Variants in PADI4 observed in about 807,000 individuals in gnomAD.
The protein encoded by PADI4 is peptidyl arginine deiminase 4, also known as protein-arginine deiminase type-4.
A neutral mutation model predicts 75.0 loss-of-function variants in PADI4; 62 were observed. The observed-to-expected ratio is 0.83, with a 90% CI of 0.67 to 1.02. PADI4 has a LOEUF of 1.02. PADI4 is among the 50% of genes least tolerant of loss of function. PADI4 has a pLI of 0.00. For synonymous variants in PADI4, 361 were observed against 348.1 expected (o/e 1.04, Z -0.41); for missense variants, 845 against 850.5 (o/e 0.99, Z 0.08).
At chr1:17,322,992 T>C (rs11203356) in intron 1 of PADI4, among the ~76,000 whole-genome samples, 84,682 of 151,888 alleles carry the variant, frequency 0.56, 23,783 homozygotes, top group East Asian at 0.59. Context: ...ATGGTTTAGC[T>C]GGGTTCTCTA....
intron 2 of PADI4, among the ~76,000 whole-genome samples, chr1:17,333,561 C>T (rs569535341): frequency 2.0e-5 from 3 of 151,746 alleles, no homozygotes; most frequent in Non-Finnish European, 4.4e-5. Context: ...CAGGTCTTTC[C>T]TTGATCCCTT....
At chr1:17,332,395 C>A (rs528181285) in intron 2 of PADI4, among the ~76,000 whole-genome samples, 1 of 152,072 alleles carries the variant, frequency 6.6e-6, no homozygotes, top group Non-Finnish European at 1.5e-5. Flanking sequence ...TACAGGCACT[C>A]GCCACCATGC....
chr1:17,337,031 C>G (rs1360689861), intron 4 of PADI4, among the ~76,000 whole-genome samples: 4 of 152,208 alleles, frequency 2.6e-5, no homozygotes, highest in Admixed American at 2.6e-4. Context: ...CCACACTTTG[C>G]TGAATGAGTA....
At chr1:17,353,285 C>A (rs1280883756) in intron 10 of PADI4, among the ~76,000 whole-genome samples, 1 of 151,994 alleles carries the variant, frequency 6.6e-6, no homozygotes, top group Non-Finnish European at 1.5e-5. Flanking sequence ...ATAGTGAGAC[C>A]CCATCTCTAC....
intron 1 of PADI4, among the ~76,000 whole-genome samples, chr1:17,322,491 C>CA (rs55792729): frequency 0.058 from 8,670 of 149,290 alleles, 441 homozygotes; most frequent in Admixed American, 0.15. Context: ...TCCATCCCCC[C>CA]CCAAAAAAAA....
At position 17,359,313 on chromosome 1, in the gene PADI4, C is replaced by T. The variant is rs757040018; in HGVS notation, c.1663C>T (p.Arg555Trp). 2.1e-5 allele frequency: 34 copies of T among 1,609,804 alleles called. No homozygotes were observed. The highest frequency in any genetic ancestry group is 1.1e-4 in the South Asian group (10 of 91,008). ...CIDWNRELLK[R>W]ELGLAESDII... ...CGACTGGAACCGCGAGCTGCTGAAGCGGGAGCTGGGCCTGGCCGAGAGTGA... is the reference window on the plus strand; with the variant it reads ...CGACTGGAACCGCGAGCTGCTGAAGTGGGAGCTGGGCCTGGCCGAGAGTGA... Residue 555 changes from arginine to tryptophan, a missense_variant, in exon 15 of 16, where the codon CGG (arginine) becomes TGG (tryptophan). Coordinates refer to ENST00000375448, the MANE Select transcript of PADI4 (RefSeq NM_012387.3).
chr1:17,358,769 G>A, intron 13 of PADI4, 69 bp from the exon 14 acceptor site: 1 of 976,716 alleles, frequency 1.0e-6, no homozygotes, highest in East Asian at 2.6e-5. Flanking sequence ...TCCCCCCCCG[G>A]CACTGGCTGG....
At position 17,356,011 on chromosome 1, in the gene PADI4, C is replaced by T; in HGVS notation, c.1339C>T (p.Leu447=). The stretch of plus-strand genomic sequence containing the variant: ...TGACAGCCGGCAGATGCACCAGGCC[C>T]TGCAGGACTTCCTCAGTGCCCAGCA... ...SNDSRQMHQA[L]QDFLSAQQVQ... The change falls in exon 12 of 16, where the codon CTG becomes TTG. Residue 447 remains leucine (L), a synonymous_variant. Coordinates refer to ENST00000375448, the MANE Select transcript of PADI4 (RefSeq NM_012387.3). This position sits in a 1 kb window ranked among gnomAD's most constrained non-coding sequence, Gnocchi z 4.1. 1 of 1,614,188 alleles carries T rather than the reference C, an allele frequency of 6.2e-7. No individual in the cohort carries two copies. The highest frequency in any genetic ancestry group is 8.5e-7 in the Non-Finnish European group (1 of 1,180,024).
rs758856641 is a variant in PADI4, at chr1:17,347,953, A to G, written c.1060A>G (p.Ile354Val). 1 of 1,581,150 alleles carries G rather than the reference A, an allele frequency of 6.3e-7. No homozygotes were observed. Among genetic ancestry groups the G allele is most frequent in the South Asian group, 1.1e-5 (1 of 87,032 alleles). The change falls in exon 10 of 16, where the codon ATC (isoleucine) becomes GTC (valine). Residue 354 changes from isoleucine (I) to valine (V), a missense_variant. Coordinates refer to ENST00000375448, the MANE Select transcript of PADI4 (RefSeq NM_012387.3). ...DDQWMQDEME[I>V]GYIQAPHKTL... is the part of the protein sequence containing the mutation. ...CTCACTCCCACAGGATGAAATGGAG[A>G]TCGGCTACATCCAAGCCCCACACAA...
chr1:17,361,008 G>A (rs1444257766), intron 15 of PADI4, among the ~76,000 whole-genome samples: 3 of 152,120 alleles, frequency 2.0e-5, no homozygotes, highest in South Asian at 2.1e-4. Context: ...ACCCGAGACC[G>A]AGGCAGAGAC....
chr1:17,327,572 C>T (rs1237615926), intron 1 of PADI4, among the ~76,000 whole-genome samples: 1 of 149,758 alleles, frequency 6.7e-6, no homozygotes, highest in Admixed American at 6.6e-5. Context: ...GATGGAGTCT[C>T]GCTTTGTCAC....
rs144801381 is a variant in PADI4 at position 17,363,896 on chromosome 1, T to C, written c.*141T>C. On this transcript the variant is annotated 3_prime_UTR_variant, in exon 16 of 16. Transcript: ENST00000375448. ...AGCAGTGGCTTGCTTTCTTCTCCTGTGATGTCCCAGTTTCCCACTCTGAAG... is the reference window on the plus strand; with the variant it reads ...AGCAGTGGCTTGCTTTCTTCTCCTGCGATGTCCCAGTTTCCCACTCTGAAG... The C allele has an allele frequency of 4.3e-4, 265 of 609,300 alleles. No homozygotes were observed. In the African/African-American group the frequency reaches 4.4e-3, roughly 10 times the overall value. 37.7% of individuals were successfully genotyped at this position (609,300 alleles called of 1,614,324 possible).
At chr1:17,317,023 G>A (rs935649252) in intron 1 of PADI4, among the ~76,000 whole-genome samples, 7 of 152,148 alleles carry the variant, frequency 4.6e-5, no homozygotes, top group African/African-American at 1.7e-4. Context: ...ACCAGTGTAT[G>A]CATTCTCTCC....
intron 8 of PADI4, among the ~76,000 whole-genome samples, chr1:17,344,746 T>G (rs2074485594): frequency 6.6e-6 from 1 of 152,208 alleles, no homozygotes; most frequent in African/African-American, 2.4e-5. Flanking sequence ...GAATTGGGGT[T>G]TGGGAACCTC....
In PADI4 at chr1:17,339,673, C is replaced by G; in HGVS notation, c.527-15C>G. 6.2e-7 allele frequency: 1 copy of G among 1,613,506 alleles called. No homozygotes were observed. The highest frequency in any genetic ancestry group is 1.1e-5 in the South Asian group (1 of 91,060). On this transcript the variant is annotated splice_polypyrimidine_tract_variant and intron_variant, in intron 5 of 15. Transcript: ENST00000375448. ...TCAGGGCCCTGTGACTCAGGCAATG[C>G]CCTTCTCATCCCAGACCTGCAGGAC... is the stretch of plus-strand genomic sequence containing the variant.
In PADI4 at chr1:17,359,314, G is replaced by A. The variant is rs145342708; in HGVS notation, c.1664G>A (p.Arg555Gln). The part of the protein sequence containing the change: ...CIDWNRELLK[R>Q]ELGLAESDII... ...GACTGGAACCGCGAGCTGCTGAAGC[G>A]GGAGCTGGGCCTGGCCGAGAGTGAC... The change falls in exon 15 of 16, where the codon CGG (arginine) becomes CAG (glutamine). Residue 555 changes from arginine to glutamine, a missense_variant. By Grantham distance (43) the Arg-to-Gln change is conservative (BLOSUM62 1). Transcript: ENST00000375448. The A allele has an allele frequency of 5.1e-5, 82 of 1,603,838 alleles. No homozygotes were observed. The highest frequency in any genetic ancestry group is 2.8e-4 in the African/African-American group (21 of 74,310).
rs113500312 is a variant in PADI4, at chr1:17,334,747, A to G, written c.340+738A>G. ...TCTGCCATATCAATGATCCACCTAT[A>G]CTCATATTTATGTAATGTTCTTCTT... On this transcript the variant is annotated intron_variant, in intron 3 of 15. Coordinates refer to ENST00000375448, the MANE Select transcript of PADI4 (RefSeq NM_012387.3). 20 of 388,174 alleles carry G rather than the reference A, an allele frequency of 5.2e-5. 2 individuals carry two copies. The highest frequency in any genetic ancestry group is 1.7e-4 in the African/African-American group (8 of 47,584). 24.0% of individuals were successfully genotyped at this position (388,174 alleles called of 1,614,324 possible). A position where few individuals can be genotyped will look rare whatever the true frequency, so the allele number is the denominator to read the frequency against.
At chr1:17,333,157 A>T (rs1304647216) in intron 2 of PADI4, among the ~76,000 whole-genome samples, 1 of 152,166 alleles carries the variant, frequency 6.6e-6, no homozygotes, top group African/African-American at 2.4e-5. Context: ...TAGCAAGTAG[A>T]TAGGATCTAG....
chr1:17,323,334 C>G (rs202061252), intron 1 of PADI4, among the ~76,000 whole-genome samples: 1 of 151,708 alleles, frequency 6.6e-6, no homozygotes, highest in African/African-American at 2.4e-5. Context: ...CTTTTACTTC[C>G]TTGGTTAGAA....
Sources: gnomAD v4.1 joint callset for allele counts (sites outside exome capture counted in the v4.1 genomes callset) on GRCh38, gnomAD v4.1.1 for gene constraint, Gnocchi (gnomAD v3.1) non-coding constraint, MANE v1.5 for transcripts, NCBI Gene and HGNC (gene_info 2026-07-23, HGNC 2026-07-21) for gene names.